Variants in MYO5C observed in about 807,000 individuals in gnomAD.
MYO5C encodes unconventional myosin-Vc.
A neutral mutation model predicts 235.7 loss-of-function variants in MYO5C; 194 were observed. The ratio of observed to expected loss-of-function variants is 0.82; its 90% CI spans 0.73 to 0.93. The LOEUF (loss-of-function observed/expected upper bound fraction) is 0.93, where lower values mean the gene tolerates loss of function less well. Ranked by LOEUF, MYO5C falls within the 40% of genes least tolerant of loss-of-function variation. The pLI is 0.00. For missense variants in MYO5C, 2,038 were observed against 2,127.2 expected (o/e 0.96, Z 0.82); for synonymous variants, 707 against 754.8 (o/e 0.94, Z 1.04).
At chr15:52,242,274 A>G in intron 19 of MYO5C, 61 bp from the exon 20 acceptor site, 1 of 1,523,404 alleles carries the variant, frequency 6.6e-7, no homozygotes, top group Non-Finnish European at 8.9e-7. Flanking sequence ...TCCATAACAG[A>G]GCTGCAAGCT....
chr15:52,255,919 C>T (rs989732504), intron 11 of MYO5C, among the ~76,000 whole-genome samples: 9 of 152,150 alleles, frequency 5.9e-5, no homozygotes, highest in African/African-American at 2.2e-4. Flanking sequence ...TGTCTGTTTC[C>T]ATGGGATGAT....
intron 2 of MYO5C, among the ~76,000 whole-genome samples, chr15:52,281,335 C>T (rs2037158243): frequency 6.6e-6 from 1 of 152,196 alleles, no homozygotes; most frequent in Admixed American, 6.5e-5. Flanking sequence ...GTCTGGCTGC[C>T]CGCCATCCTA....
intron 11 of MYO5C, among the ~76,000 whole-genome samples, chr15:52,253,853 G>A (rs945254553): frequency 2.0e-5 from 3 of 152,236 alleles, no homozygotes; most frequent in Non-Finnish European, 4.4e-5. Flanking sequence ...CTGCGGGGCC[G>A]GTGGGAGAAG....
chr15:52,292,086 A>G (rs954595559), intron 1 of MYO5C, among the ~76,000 whole-genome samples: 1 of 151,938 alleles, frequency 6.6e-6, no homozygotes, highest in African/African-American at 2.4e-5. Flanking sequence ...GTTGTGCCCC[A>G]TTTTTCACAT....
intron 11 of MYO5C, among the ~76,000 whole-genome samples, chr15:52,254,776 T>C (rs777265534): frequency 1.8e-4 from 27 of 151,904 alleles, no homozygotes; most frequent in Non-Finnish European, 3.5e-4. Flanking sequence ...CTGGTATAAG[T>C]GTCACTTTGA....
intron 38 of MYO5C, among the ~76,000 whole-genome samples, chr15:52,200,654 T>G (rs2035166829): frequency 6.6e-6 from 1 of 152,122 alleles, no homozygotes; most frequent in African/African-American, 2.4e-5. Flanking sequence ...AATTGGCATA[T>G]GAAGAACCAG....
chr15:52,249,820 G>A (rs191113827), intron 13 of MYO5C, among the ~76,000 whole-genome samples: 19 of 152,324 alleles, frequency 1.2e-4, no homozygotes, highest in African/African-American at 4.1e-4. Flanking sequence ...AAGATGTGCT[G>A]AGCTGCTACA....
chr15:52,246,826 TAATCTCAAGAC>T, intron 16 of MYO5C, 80 bp downstream of exon 16: 2 of 989,132 alleles, frequency 2.0e-6, no homozygotes, highest in Non-Finnish European at 3.1e-6. Flanking sequence ...AGAAACAGGG[TAATCTCAAGAC>T]AATTGGAAGC....
chr15:52,246,340 C>G (rs2036344091), intron 16 of MYO5C, among the ~76,000 whole-genome samples: 1 of 152,168 alleles, frequency 6.6e-6, no homozygotes, highest in African/African-American at 2.4e-5. Context: ...AATATGCTAG[C>G]TCGCCTGGCC....
rs2036465515 is a variant in MYO5C at position 52,251,217 on chromosome 15, G to A, written c.1662+173C>T. On this transcript the variant is annotated intron_variant, in intron 13 of 40. Transcript: ENST00000261839. ...ATTCGTCTTTAAAGTAGTACAGTTG[G>A]AACTCATGTATCTCGCCACAAAAAC... The A allele has an allele frequency of 6.4e-6, 3 of 471,574 alleles. No homozygotes were observed. The East Asian group carries it at 1.1e-4, about 17-fold the overall frequency. The allele number at this position is 471,574 out of a possible 1,614,324, so 29.2% of individuals were successfully genotyped here.
intron 29 of MYO5C, among the ~76,000 whole-genome samples, chr15:52,223,017 T>C (rs975348056): frequency 2.0e-5 from 3 of 151,708 alleles, no homozygotes; most frequent in African/African-American, 2.4e-5. Flanking sequence ...ACCGTGATGG[T>C]GGGCGCCTGT....
intron 1 of MYO5C, among the ~76,000 whole-genome samples, chr15:52,288,286 C>T (rs2037318835): frequency 6.6e-6 from 1 of 152,198 alleles, no homozygotes; most frequent in Non-Finnish European, 1.5e-5. Context: ...TGAAAGTAAT[C>T]CTGAACTCTG....
intron 21 of MYO5C, among the ~76,000 whole-genome samples, chr15:52,238,813 T>A (rs2036147949): frequency 7.1e-6 from 1 of 140,876 alleles, no homozygotes; most frequent in Non-Finnish European, 1.6e-5. Flanking sequence ...GGCTAATTTT[T>A]TGTATTTTTA....
At chr15:52,221,077 G>T in intron 30 of MYO5C, 85 bp downstream of exon 30, 1 of 1,052,630 alleles carries the variant, frequency 9.5e-7, no homozygotes. Context: ...GAGTTTAAAA[G>T]CCCTGAGTAC....
chr15:52,225,249 C>T (rs1233060186), intron 26 of MYO5C, 111 bp from the exon 27 acceptor site: 9 of 1,233,418 alleles, frequency 7.3e-6, no homozygotes, highest in Non-Finnish European at 9.3e-6. Flanking sequence ...CTAAATAACT[C>T]ACCAGCTATC....
Position 52,248,767 on chromosome 15 carries a change from T to C in MYO5C, c.1679A>G (p.Glu560Gly). 6.2e-7 allele frequency: 1 copy of C among 1,613,602 alleles called. No homozygotes were observed. The highest frequency in any genetic ancestry group is 1.1e-5 in the South Asian group (1 of 91,058). Reference protein sequence around the residue: ...HFADKVEYKCEGFLEKNRDTV... With the variant: ...HFADKVEYKCGGFLEKNRDTV... ...GTCTCTGTTTTTCTCCAGGAAACCT[T>C]CACATTTATACTCTACCTATACAGA... The change falls in exon 14 of 41, where the codon GAA (glutamate) becomes GGA (glycine). Residue 560 changes from glutamate (E) to glycine (G), a missense_variant. Physicochemically the swap from Glu to Gly is moderately conservative, Grantham distance 98. Transcript: ENST00000261839.
At position 52,213,284 on chromosome 15, in the gene MYO5C, T is replaced by G. The variant is rs1421556072; in HGVS notation, c.4045A>C (p.Asn1349His). ...GGTCCTGAGGACGAGTGCACATCAT[T>G]GGCTGTAGACAGAGGCAAACAATCA... ...KTLSKTIGKA[N>H]DVHSSSGPKE... The change falls in exon 34 of 41, where the codon AAT becomes CAT. Residue 1349 changes from asparagine to histidine, a missense_variant and splice_region_variant. Transcript: ENST00000261839. The G allele has an allele frequency of 2.5e-6, 4 of 1,612,486 alleles. No individual in the cohort carries two copies. Among genetic ancestry groups the G allele is most frequent in the Non-Finnish European group, 3.4e-6 (4 of 1,178,556 alleles).
rs750089704 is a variant in MYO5C at position 52,225,564 on chromosome 15, G to GA, written c.3208-33dup. The GA allele has an allele frequency of 2.7e-4, 403 of 1,474,022 alleles. 1 individual carries two copies. The highest frequency in any genetic ancestry group is 1.8e-4 in the Admixed American group (11 of 59,752). 91.3% of individuals were successfully genotyped at this position (1,474,022 alleles called of 1,614,324 possible). ...CACAGCAATGACGGAATCAGGTAAA[G>GA]AAAAAACAACGATTATGCTTTATAT... is the stretch of plus-strand genomic sequence containing the variant. On this transcript the variant is annotated intron_variant, in intron 25 of 40. Transcript: ENST00000261839.
chr15:52,220,868 C>T (rs2035666622), intron 30 of MYO5C, among the ~76,000 whole-genome samples: 1 of 151,576 alleles, frequency 6.6e-6, no homozygotes. Flanking sequence ...GAGGTTTCAT[C>T]ATATTGCCCA....
Sources: gnomAD v4.1 joint callset for allele counts (sites outside exome capture counted in the v4.1 genomes callset) on GRCh38, gnomAD v4.1.1 for gene constraint, MANE v1.5 for transcripts, NCBI Gene and HGNC (gene_info 2026-07-23, HGNC 2026-07-21) for gene names.